MAP2K4: variants seen among roughly 807,000 people sequenced by gnomAD.
MAP2K4 encodes the protein dual specificity mitogen-activated protein kinase kinase 4.
Under a neutral mutation model 48.5 loss-of-function variants are expected in MAP2K4, and 4 were observed. The ratio of observed to expected loss-of-function variants is 0.08; its 90% CI spans 0.04 to 0.19. The LOEUF (loss-of-function observed/expected upper bound fraction) is 0.19, where lower values mean the gene tolerates loss of function less well. MAP2K4 is among the 10% of genes least tolerant of loss of function. The pLI, the probability that MAP2K4 is intolerant of heterozygous loss-of-function variation, is 1.00. For synonymous variants in MAP2K4, 166 were observed against 173.1 expected (o/e 0.96, Z 0.32); for missense variants, 258 against 493.3 (o/e 0.52, Z 4.52).
intron 3 of MAP2K4, among the ~76,000 whole-genome samples, chr17:12,083,096 A>G (rs924946586): frequency 6.6e-6 from 1 of 152,204 alleles, no homozygotes; most frequent in Non-Finnish European, 1.5e-5. Context: ...ATTTTAAAAA[A>G]TTATTTCCTG....
rs111673306 is a variant in MAP2K4, at chr17:12,117,993, G to T, written c.813+4633G>T. ...TCACAGTGAACACATGCCATTTGAT[G>T]GTATGCTCATCATGAAATGAACATC... On this transcript the variant is annotated intron_variant, in intron 7 of 10. Coordinates refer to ENST00000353533, the MANE Select transcript of MAP2K4 (RefSeq NM_003010.4). Among the ~76,000 whole-genome samples, 409 of 152,180 alleles carry T rather than the reference G, an allele frequency of 2.7e-3. 2 individuals carry two copies. Among genetic ancestry groups the T allele is most frequent in the Non-Finnish European group, 5.0e-3 (337 of 68,000 alleles).
intron 4 of MAP2K4, among the ~76,000 whole-genome samples, chr17:12,104,784 T>A (rs1391670214): frequency 6.6e-6 from 1 of 152,126 alleles, no homozygotes; most frequent in Non-Finnish European, 1.5e-5. Context: ...TTGTGATTTG[T>A]TGTTTTTATG....
chr17:12,136,208 A>C (rs1357297879), intron 9 of MAP2K4, among the ~76,000 whole-genome samples: 3 of 152,226 alleles, frequency 2.0e-5, no homozygotes, highest in Admixed American at 1.3e-4. Context: ...CTCAACACTC[A>C]CAAAAGAAAT....
Position 12,129,181 on chromosome 17 carries a change from A to G in MAP2K4, c.934A>G (p.Ser312Gly). 1 of 1,614,156 alleles carries G rather than the reference A, an allele frequency of 6.2e-7. No individual in the cohort carries two copies. The highest frequency in any genetic ancestry group is 8.5e-7 in the Non-Finnish European group (1 of 1,180,010). The change falls in exon 9 of 11, where the codon AGT becomes GGT. Residue 312 changes from serine to glycine, a missense_variant. By Grantham distance (56) the Ser-to-Gly change is moderately conservative (BLOSUM62 0). Coordinates refer to ENST00000353533, the MANE Select transcript of MAP2K4 (RefSeq NM_003010.4). ...TGRFPYPKWN[S>G]VFDQLTQVVK... ...CCGATTTCCTTATCCAAAGTGGAAT[A>G]GTGTATTTGATCAACTAACACAAGT...
intron 1 of MAP2K4, 58 bp from the exon 2 acceptor site, chr17:12,054,831 A>G: frequency 2.7e-6 from 3 of 1,100,072 alleles, no homozygotes; most frequent in Non-Finnish European, 4.1e-6. Flanking sequence ...TTATGCCCTC[A>G]GAATAGTACC....
At chr17:12,032,419 C>A in intron 1 of MAP2K4, 1 of 412,928 alleles carries the variant, frequency 2.4e-6, no homozygotes, top group South Asian at 1.1e-4. Context: ...CAAAGAGCTA[C>A]CATTTTTCAT....
At chr17:12,078,811 C>T (rs2151546276) in intron 2 of MAP2K4, among the ~76,000 whole-genome samples, 1 of 152,240 alleles carries the variant, frequency 6.6e-6, no homozygotes, top group East Asian at 1.9e-4. Context: ...GGTCCAGTTC[C>T]TGTATCTAGT....
Position 12,110,456 on chromosome 17 carries a change from G to C in MAP2K4, c.685+30G>C, listed in dbSNP as rs747923203. ...GTATGGATTGGTATTTTTTGTAATA[G>C]AAATTAACTTTTTTCTCCTAATTGG... On this transcript the variant is annotated intron_variant, in intron 6 of 10. Transcript: ENST00000353533. 6 of 1,507,018 alleles carry C rather than the reference G, an allele frequency of 4.0e-6. No homozygotes were observed. In the Admixed American group the frequency reaches 1.0e-4, roughly 26 times the overall value. 93.4% of individuals were successfully genotyped at this position (1,507,018 alleles called of 1,614,324 possible). A position where few individuals can be genotyped will look rare whatever the true frequency, so the allele number is the denominator to read the frequency against.
intron 8 of MAP2K4, 151 bp downstream of exon 8, chr17:12,125,522 T>C: frequency 1.6e-6 from 1 of 644,372 alleles, no homozygotes; most frequent in East Asian, 2.7e-5. Context: ...AGTATGTATT[T>C]ATTTACTTTA....
chr17:12,028,259 G>A (rs1272457937), intron 1 of MAP2K4, among the ~76,000 whole-genome samples: 1 of 152,144 alleles, frequency 6.6e-6, no homozygotes, highest in African/African-American at 2.4e-5. Flanking sequence ...AAAAGAGCTG[G>A]CATTATGAGG....
chr17:12,029,500 G>C (rs1597392863), intron 1 of MAP2K4, among the ~76,000 whole-genome samples: 2 of 152,046 alleles, frequency 1.3e-5, no homozygotes, highest in African/African-American at 4.8e-5. Flanking sequence ...AGTTCACCCA[G>C]ATATAAAAAA....
Position 12,081,123 on chromosome 17 carries a change from A to G in MAP2K4, c.219-233A>G, listed in dbSNP as rs959110886. On this transcript the variant is annotated intron_variant, in intron 2 of 10. Coordinates refer to ENST00000353533, the MANE Select transcript of MAP2K4 (RefSeq NM_003010.4). The surrounding 1 kb of genome is among the most constrained non-coding windows in gnomAD (Gnocchi z 4.2). Reference sequence around the variant, plus strand: ...GGAATTTTTAAAAATCTTCTTGGCAATTTGTTTTTATGAATCCCGTTGAAG... The same window carrying G: ...GGAATTTTTAAAAATCTTCTTGGCAGTTTGTTTTTATGAATCCCGTTGAAG... Among the ~76,000 whole-genome samples the G allele has an allele frequency of 3.9e-5, 6 of 152,290 alleles. No individual in the cohort carries two copies. The highest frequency in any genetic ancestry group is 2.1e-4 in the South Asian group (1 of 4,822).
chr17:12,104,855 G>T (rs2151570247), intron 4 of MAP2K4, among the ~76,000 whole-genome samples: 1 of 152,164 alleles, frequency 6.6e-6, no homozygotes, highest in East Asian at 1.9e-4. Context: ...TAGAAAAAAA[G>T]TTTTAAACTT....
intron 2 of MAP2K4, among the ~76,000 whole-genome samples, chr17:12,067,647 G>A (rs1970660720): frequency 6.6e-6 from 1 of 152,192 alleles, no homozygotes. Context: ...TTTGGGGAAT[G>A]GCTATAGGGA....
At chr17:12,093,287 A>G (rs1971621826) in intron 3 of MAP2K4, among the ~76,000 whole-genome samples, 1 of 152,222 alleles carries the variant, frequency 6.6e-6, no homozygotes, top group African/African-American at 2.4e-5. Context: ...TCTCAAAGAT[A>G]GAGCTGTGCT....
intron 2 of MAP2K4, among the ~76,000 whole-genome samples, chr17:12,066,695 ATT>A (rs1052422355): frequency 6.8e-6 from 1 of 147,262 alleles, no homozygotes. Context: ...CACATGGCTA[ATT>A]TTTTTTTTTT....
chr17:12,073,117 G>C (rs573982200), intron 2 of MAP2K4, among the ~76,000 whole-genome samples: 4 of 152,264 alleles, frequency 2.6e-5, no homozygotes, highest in African/African-American at 9.6e-5. Flanking sequence ...CTCCCTATAG[G>C]ATCTGATAAT....
At chr17:12,051,808 C>T (rs953592526) in intron 1 of MAP2K4, among the ~76,000 whole-genome samples, 1 of 151,868 alleles carries the variant, frequency 6.6e-6, no homozygotes, top group Non-Finnish European at 1.5e-5. Flanking sequence ...GATTGCCTTT[C>T]GGTTTTGATT....
intron 4 of MAP2K4, among the ~76,000 whole-genome samples, chr17:12,101,054 GTT>G (rs1971921325): frequency 6.6e-6 from 1 of 151,990 alleles, no homozygotes; most frequent in African/African-American, 2.4e-5. Context: ...GAGAGCAAAA[GTT>G]TTTAATGTTG....
Sources: gnomAD v4.1 joint callset for allele counts (sites outside exome capture counted in the v4.1 genomes callset) on GRCh38, gnomAD v4.1.1 for gene constraint, Gnocchi (gnomAD v3.1) non-coding constraint, MANE v1.5 for transcripts, NCBI Gene and HGNC (gene_info 2026-07-23, HGNC 2026-07-21) for gene names.